FAM219A: variants seen among roughly 807,000 people sequenced by gnomAD.
The protein encoded by FAM219A is family with sequence similarity 219 member A, also known as protein FAM219A.
Under a neutral mutation model 23.4 loss-of-function variants are expected in FAM219A, and 7 were observed. The observed-to-expected ratio is 0.30, with a 90% CI of 0.17 to 0.56. The LOEUF (loss-of-function observed/expected upper bound fraction) is 0.56, where lower values mean the gene tolerates loss of function less well. FAM219A is among the 20% of genes least tolerant of loss of function. The pLI is 0.92. For synonymous variants in FAM219A, 93 were observed against 99.0 expected (o/e 0.94, Z 0.36); for missense variants, 166 against 246.9 (o/e 0.67, Z 2.20).
At position 34,398,586 on chromosome 9, in the gene FAM219A, G is replaced by C. The variant is rs561299446; in HGVS notation, c.*2378C>G. 3.6e-5 allele frequency: 21 copies of C among 578,054 alleles called. No individual in the cohort carries two copies. Among genetic ancestry groups the C allele is most frequent in the East Asian group, 3.1e-4 (11 of 35,120 alleles). 35.8% of individuals were successfully genotyped at this position (578,054 alleles called of 1,614,324 possible). A position where few individuals can be genotyped will look rare whatever the true frequency, so the allele number is the denominator to read the frequency against. ...TGCCAGGGAACTAGTATGTCCTGTG[G>C]GGGGGGAGATTTTCCCTGGTGTCTC... On this transcript the variant is annotated 3_prime_UTR_variant, in exon 6 of 6. Coordinates refer to ENST00000651358, the MANE Select transcript of FAM219A (RefSeq NM_001184940.2).
intron 1 of FAM219A, among the ~76,000 whole-genome samples, chr9:34,443,491 T>G (rs4879789): frequency 0.18 from 27,581 of 152,054 alleles, 2,723 homozygotes; most frequent in East Asian, 0.33. Context: ...CCTCACTCTC[T>G]CCCACAAAAG....
chr9:34,440,291 A>G (rs535993901), intron 1 of FAM219A, among the ~76,000 whole-genome samples: 1 of 152,318 alleles, frequency 6.6e-6, no homozygotes, highest in Admixed American at 6.5e-5. Flanking sequence ...GCTGGGTAGT[A>G]GAAGTTGAAG....
intron 1 of FAM219A, among the ~76,000 whole-genome samples, chr9:34,439,593 A>G (rs189870312): frequency 5.6e-4 from 86 of 152,270 alleles, no homozygotes; most frequent in African/African-American, 2.0e-3. Flanking sequence ...CTATAGCTGA[A>G]CTAAGAACTG....
rs1330963864 is a variant in FAM219A, at chr9:34,457,114, T to C, written c.60+1090A>G. ...CTCCAGCCAGCACAGCTCAGAGAAA[T>C]GGGGCATCCACACTTTCGGATTTGT... On this transcript the variant is annotated intron_variant, in intron 1 of 5. Coordinates refer to ENST00000651358, the MANE Select transcript of FAM219A (RefSeq NM_001184940.2). The surrounding 1 kb of genome is among the most constrained non-coding windows in gnomAD (Gnocchi z 5.1). 3.3e-5 allele frequency among the ~76,000 whole-genome samples: 5 copies of C among 152,184 alleles called. No individual in the cohort carries two copies. Among genetic ancestry groups the C allele is most frequent in the Non-Finnish European group, 7.3e-5 (5 of 68,030 alleles).
rs1327653904 is a variant in FAM219A, at chr9:34,398,259, T to G, written c.*2705A>C. ...CCAAGGATGATGGTCAATACTGCAA[T>G]GAAAATGTTAAAAAAAATATTATAC... On this transcript the variant is annotated 3_prime_UTR_variant, in exon 6 of 6. Coordinates refer to ENST00000651358, the MANE Select transcript of FAM219A (RefSeq NM_001184940.2). The G allele has an allele frequency of 6.5e-7, 1 of 1,549,686 alleles. No individual in the cohort carries two copies. Among genetic ancestry groups the G allele is most frequent in the Non-Finnish European group, 8.7e-7 (1 of 1,146,186 alleles).
chr9:34,419,601 G>C (rs1025795368), intron 1 of FAM219A, among the ~76,000 whole-genome samples: 1 of 152,158 alleles, frequency 6.6e-6, no homozygotes, highest in East Asian at 1.9e-4. Flanking sequence ...CCCACACCTG[G>C]TAGGAAGCAG....
At position 34,457,220 on chromosome 9, in the gene FAM219A, C is replaced by T. The variant is rs1458691673; in HGVS notation, c.60+984G>A. 6.6e-6 allele frequency among the ~76,000 whole-genome samples: 1 copy of T among 152,224 alleles called. No individual in the cohort carries two copies. Among genetic ancestry groups the T allele is most frequent in the African/African-American group, 2.4e-5 (1 of 41,456 alleles). The stretch of plus-strand genomic sequence containing the variant: ...ACAGCCTAGACATTCCCTCTCTTCC[C>T]CCCTCACTATACGAGCTGGCTAGGC... On this transcript the variant is annotated intron_variant, in intron 1 of 5. Transcript: ENST00000651358. This position sits in a 1 kb window ranked among gnomAD's most constrained non-coding sequence, Gnocchi z 5.1.
At chr9:34,450,488 C>G (rs931818822) in intron 1 of FAM219A, among the ~76,000 whole-genome samples, 6 of 151,802 alleles carry the variant, frequency 4.0e-5, no homozygotes, top group Non-Finnish European at 8.8e-5. Flanking sequence ...GGCACAATCT[C>G]AGCTCACTGC....
intron 1 of FAM219A, among the ~76,000 whole-genome samples, chr9:34,455,286 G>C (rs1823688992): frequency 6.6e-6 from 1 of 151,986 alleles, no homozygotes; most frequent in African/African-American, 2.4e-5. Context: ...TCTCATAAAT[G>C]GAAAAACAAT....
chr9:34,440,015 G>A (rs1823106343), intron 1 of FAM219A, among the ~76,000 whole-genome samples: 1 of 152,158 alleles, frequency 6.6e-6, no homozygotes, highest in Admixed American at 6.5e-5. Flanking sequence ...ATCAGCAACA[G>A]GTCCCTTCCC....
chr9:34,449,294 C>T (rs1823481547), intron 1 of FAM219A, among the ~76,000 whole-genome samples: 1 of 152,098 alleles, frequency 6.6e-6, no homozygotes, highest in African/African-American at 2.4e-5. Flanking sequence ...CAGAGTGAAA[C>T]TGTGTCTCAA....
intron 1 of FAM219A, among the ~76,000 whole-genome samples, chr9:34,451,676 G>A (rs1345329958): frequency 6.6e-6 from 1 of 152,130 alleles, no homozygotes. Flanking sequence ...AGGCAGCTGG[G>A]GCTGGGAATG....
Position 34,458,114 on chromosome 9 carries a change from C to T in FAM219A, c.60+90G>A. The T allele has an allele frequency of 7.8e-7, 1 of 1,289,888 alleles. No individual in the cohort carries two copies. The highest frequency in any genetic ancestry group is 1.0e-6 in the Non-Finnish European group (1 of 960,004). 79.9% of individuals were successfully genotyped at this position (1,289,888 alleles called of 1,614,324 possible). ...TCTCTTTGCCCCATCCGATGGCGCC[C>T]CTCCGCACGATCCCCCCGGCCTGAT... On this transcript the variant is annotated intron_variant, in intron 1 of 5. Transcript: ENST00000651358. This position sits in a 1 kb window ranked among gnomAD's most constrained non-coding sequence, Gnocchi z 6.6.
chr9:34,445,123 C>T (rs1313472138), intron 1 of FAM219A, among the ~76,000 whole-genome samples: 4 of 152,206 alleles, frequency 2.6e-5, no homozygotes, highest in Non-Finnish European at 4.4e-5. Context: ...ACTCATCCCC[C>T]TCTAGGTCTT....
chr9:34,446,275 G>A (rs1823370523), intron 1 of FAM219A, among the ~76,000 whole-genome samples: 1 of 152,146 alleles, frequency 6.6e-6, no homozygotes, highest in Admixed American at 6.6e-5. Context: ...CACAGGACAG[G>A]TAAATGGAGA....
intron 1 of FAM219A, among the ~76,000 whole-genome samples, chr9:34,428,220 G>A (rs1316971132): frequency 2.6e-5 from 4 of 152,140 alleles, no homozygotes. Flanking sequence ...TCAACAGGCA[G>A]TAAACACCCA....
Position 34,430,636 on chromosome 9 carries a change from C to CAAAAAAAAAAA in FAM219A, c.61-24683_61-24673dup, listed in dbSNP as rs757627612. On this transcript the variant is annotated intron_variant, in intron 1 of 5. Transcript: ENST00000651358. ...TGGGTGACAGAGCAAGACTCCGTCT[C>CAAAAAAAAAAA]AAAAAAAAAAAAAAAAAAAAAGACA... 4.8e-3 allele frequency among the ~76,000 whole-genome samples: 268 copies of CAAAAAAAAAAA among 56,266 alleles called. 4 individuals carry two copies. Among genetic ancestry groups the CAAAAAAAAAAA allele is most frequent in the East Asian group, 0.03 (51 of 1,716 alleles). 36.9% of individuals were successfully genotyped at this position (56,266 alleles called of 152,430 possible). A position where few individuals can be genotyped will look rare whatever the true frequency, so the allele number is the denominator to read the frequency against.
intron 1 of FAM219A, among the ~76,000 whole-genome samples, chr9:34,450,568 AC>A (rs920630511): frequency 4.6e-5 from 7 of 151,930 alleles, no homozygotes; most frequent in African/African-American, 1.7e-4. Context: ...ACAGGTGGCC[AC>A]CACCATGCCC....
At chr9:34,421,014 G>GAGAGAGAGAGAGAGAC (rs1822259479) in intron 1 of FAM219A, among the ~76,000 whole-genome samples, 1 of 139,714 alleles carries the variant, frequency 7.2e-6, no homozygotes, top group Admixed American at 7.2e-5. Context: ...GTGTGTGAGA[G>GAGAGAGAGAGAGAGAC]AGAGAGAGAG....
Sources: allele counts gnomAD v4.1 joint callset (sites outside exome capture counted in the v4.1 genomes callset), GRCh38; gene constraint gnomAD v4.1.1; non-coding constraint Gnocchi (gnomAD v3.1); transcripts MANE v1.5; gene names NCBI Gene and HGNC (gene_info 2026-07-23, HGNC 2026-07-21).